Variants in SLC36A1 observed in about 807,000 individuals in gnomAD.
The protein encoded by SLC36A1 is proton-coupled amino acid transporter 1.
Under a neutral mutation model 47.5 loss-of-function variants are expected in SLC36A1, and 30 were observed. The ratio of observed to expected loss-of-function variants is 0.63; its 90% CI spans 0.47 to 0.86. SLC36A1 has a LOEUF of 0.86. Ranked by LOEUF, SLC36A1 falls within the 40% of genes least tolerant of loss-of-function variation. The pLI is 0.00. For missense variants in SLC36A1, 517 were observed against 606.0 expected (o/e 0.85, Z 1.54); for synonymous variants, 255 against 249.7 (o/e 1.02, Z -0.20).
chr5:151,381,708 C>A, the SLC36A1 span, among the ~76,000 whole-genome samples: 1 of 152,114 alleles, frequency 6.6e-6, no homozygotes, highest in African/African-American at 2.4e-5. Flanking sequence ...TGGCCCCCAC[C>A]CAGGAACTGA....
At chr5:151,359,745 A>G in the SLC36A1 span, among the ~76,000 whole-genome samples, 2 of 152,188 alleles carry the variant, frequency 1.3e-5, no homozygotes, top group Non-Finnish European at 2.9e-5. Flanking sequence ...GGATTCACAC[A>G]ACATGTGGTT....
chr5:151,471,214 G>A (rs1236457184), intron 7 of SLC36A1, among the ~76,000 whole-genome samples: 4 of 152,176 alleles, frequency 2.6e-5, no homozygotes, highest in Admixed American at 2.0e-4. Flanking sequence ...GTGACTGTAC[G>A]TCATTTCACT....
At chr5:151,468,261 AAAAAAAT>A (rs1378836677) in intron 7 of SLC36A1, among the ~76,000 whole-genome samples, 41 of 80,850 alleles carry the variant, frequency 5.1e-4, no homozygotes, top group African/African-American at 3.2e-3. Flanking sequence ...CAAAAAAAAA[AAAAAAAT>A]ATATATATAT....
chr5:151,485,283 T>C (rs1459502912), intron 10 of SLC36A1, among the ~76,000 whole-genome samples: 1 of 152,194 alleles, frequency 6.6e-6, no homozygotes, highest in Non-Finnish European at 1.5e-5. Context: ...GGTTGATTAA[T>C]AGAAGAAGGA....
At chr5:151,379,644 A>G in the SLC36A1 span, among the ~76,000 whole-genome samples, 1 of 152,146 alleles carries the variant, frequency 6.6e-6, no homozygotes, top group African/African-American at 2.4e-5. Flanking sequence ...CTTCACTTTA[A>G]TTGTGGCCAC....
At chr5:151,549,451 C>A in the SLC36A1 span, 1 of 1,614,172 alleles carries the variant, frequency 6.2e-7, no homozygotes. Context: ...CCATCCTCCA[C>A]ATGAATGGTC....
chr5:151,534,765 T>C, the SLC36A1 span: 1 of 721,792 alleles, frequency 1.4e-6, no homozygotes, highest in East Asian at 2.7e-5. Flanking sequence ...CAAGGAGGGG[T>C]CAATACAGTC....
chr5:151,391,395 C>A, the SLC36A1 span, among the ~76,000 whole-genome samples: 1 of 152,062 alleles, frequency 6.6e-6, no homozygotes, highest in Non-Finnish European at 1.5e-5. Context: ...CCCTTTATTT[C>A]TTTCTCCTGC....
At chr5:151,529,381 C>A in the SLC36A1 span, 1 of 1,613,772 alleles carries the variant, frequency 6.2e-7, no homozygotes, top group Non-Finnish European at 8.5e-7. Flanking sequence ...CTTGCGTTGA[C>A]ATACAGGATC....
chr5:151,434,843 AC>A (rs1306923877), upstream of SLC36A1, among the ~76,000 whole-genome samples: 1 of 152,214 alleles, frequency 6.6e-6, no homozygotes, highest in East Asian at 1.9e-4. Context: ...TCGGCTGGCA[AC>A]TTGATCTTGG....
At chr5:151,484,404 A>C (rs751051680) in intron 10 of SLC36A1, among the ~76,000 whole-genome samples, 2 of 152,232 alleles carry the variant, frequency 1.3e-5, no homozygotes, top group African/African-American at 4.8e-5. Flanking sequence ...CTTTTGGGCA[A>C]GCCATGTGTT....
rs75234399 is a variant in SLC36A1 at position 151,438,288 on chromosome 5, A to T, written c.-6+1109A>T. ...GTGTCTCCACTTGAACAAATAAATT[A>T]TATGAACACCCTACTTACCCAGTGC... On this transcript the variant is annotated intron_variant, in intron 1 of 8. Coordinates refer to the SLC36A1 transcript ENST00000429484. Among the ~76,000 whole-genome samples the T allele has an allele frequency of 6.2e-3, 940 of 152,306 alleles. 14 individuals carry two copies. The highest frequency in any genetic ancestry group is 0.022 in the African/African-American group (900 of 41,560).
chr5:151,418,810 A>G, the SLC36A1 span, among the ~76,000 whole-genome samples: 13 of 152,272 alleles, frequency 8.5e-5, no homozygotes, highest in African/African-American at 2.9e-4. Context: ...GGGACATGAA[A>G]TTTGGGAAGG....
chr5:151,376,626 T>G, the SLC36A1 span, among the ~76,000 whole-genome samples: 5 of 151,918 alleles, frequency 3.3e-5, no homozygotes, highest in Non-Finnish European at 5.9e-5. Flanking sequence ...ATCCATTTCA[T>G]TCATTTCAAA....
At chr5:151,550,746 A>T in the SLC36A1 span, 1 of 1,613,800 alleles carries the variant, frequency 6.2e-7, no homozygotes, top group Non-Finnish European at 8.5e-7. Context: ...CCTTGTCTTG[A>T]TCTATGGCCT....
chr5:151,351,302 T>C, the SLC36A1 span, among the ~76,000 whole-genome samples: 1 of 151,946 alleles, frequency 6.6e-6, no homozygotes, highest in Non-Finnish European at 1.5e-5. Context: ...CCCAGGTCTT[T>C]TGATTCCCAA....
chr5:151,512,707 TAGG>T, the SLC36A1 span: 1 of 1,132,134 alleles, frequency 8.8e-7, no homozygotes, highest in East Asian at 2.6e-5. The surrounding 1 kb of genome is among the most constrained non-coding windows in gnomAD (Gnocchi z 4.1). Context: ...TTTTTATGGG[TAGG>T]AGGGGGGTGT....
chr5:151,393,116 T>C, the SLC36A1 span, among the ~76,000 whole-genome samples: 5 of 151,688 alleles, frequency 3.3e-5, 1 homozygote, highest in East Asian at 9.7e-4. Context: ...TTTAGGATAG[T>C]TAGCTCTTCT....
upstream of SLC36A1, among the ~76,000 whole-genome samples, chr5:151,432,206 A>G (rs975202055): frequency 1.3e-5 from 2 of 152,178 alleles, no homozygotes; most frequent in Non-Finnish European, 2.9e-5. Context: ...ATAAATATTA[A>G]TCATAGTTTC....
Sources: gnomAD v4.1 joint callset for allele counts (sites outside exome capture counted in the v4.1 genomes callset) on GRCh38, gnomAD v4.1.1 for gene constraint, Gnocchi (gnomAD v3.1) non-coding constraint, MANE v1.5 for transcripts, NCBI Gene and HGNC (gene_info 2026-07-23, HGNC 2026-07-21) for gene names.